SLC45A4: variants seen among roughly 807,000 people sequenced by gnomAD.
SLC45A4 encodes the protein solute carrier family 45 member 4.
Under a neutral mutation model 63.7 loss-of-function variants are expected in SLC45A4, and 32 were observed. The ratio of observed to expected loss-of-function variants is 0.50; its 90% CI spans 0.38 to 0.67. SLC45A4 has a LOEUF of 0.67. Among genes scored for constraint, SLC45A4 ranks in the 30% least tolerant of loss-of-function variants. The probability of loss-of-function intolerance (pLI) is 0.00; values close to 1 mark genes in which losing one functional copy is unlikely to be tolerated. For synonymous variants in SLC45A4, 535 were observed against 510.0 expected, an observed-to-expected ratio of 1.05 and a Z score of -0.66; for missense variants, 1,027 against 1,157.7, an observed-to-expected ratio of 0.89 and a Z score of 1.64.
At chr8:141,304,471 A>T (rs1305348179) in intron 1 of SLC45A4, among the ~76,000 whole-genome samples, 3 of 151,640 alleles carry the variant, frequency 2.0e-5, no homozygotes, top group Non-Finnish European at 4.4e-5. Context: ...AGGCAAAAGA[A>T]TCGCTTGAAC....
At chr8:141,299,884 G>A (rs1388278699) in intron 1 of SLC45A4, among the ~76,000 whole-genome samples, 1 of 152,186 alleles carries the variant, frequency 6.6e-6, no homozygotes, top group African/African-American at 2.4e-5. Context: ...CTTTGGAGAA[G>A]GGACCAATGG....
Position 141,209,547 on chromosome 8 carries a change from A to G in SLC45A4, c.*2025T>C, listed in dbSNP as rs1044053064. The stretch of plus-strand genomic sequence containing the variant: ...GGACCCCAGCCCCTGCGGTCCCCTC[A>G]TTTGGGCTCTGCACACTGACCTGCA... On this transcript the variant is annotated 3_prime_UTR_variant, in exon 9 of 9. Transcript: ENST00000517878. 1 of 152,336 alleles carries G rather than the reference A, an allele frequency of 6.6e-6. No individual in the cohort carries two copies. The highest frequency in any genetic ancestry group is 2.4e-5 in the African/African-American group (1 of 41,404). The allele number at this position is 152,336 out of a possible 1,614,324, so 9.4% of individuals were successfully genotyped here.
chr8:141,270,861 T>A (rs1281148732), intron 1 of SLC45A4, among the ~76,000 whole-genome samples: 1 of 152,032 alleles, frequency 6.6e-6, no homozygotes, highest in East Asian at 1.9e-4. Context: ...CTCGACCAGC[T>A]CGTACCTCCC....
At chr8:141,284,195 A>C (rs1332355372) in intron 1 of SLC45A4, among the ~76,000 whole-genome samples, 1 of 152,228 alleles carries the variant, frequency 6.6e-6, no homozygotes, top group Non-Finnish European at 1.5e-5. Context: ...TCAACTGTCC[A>C]CCGTCAAGTC....
chr8:141,240,322 C>T (rs900316344), intron 2 of SLC45A4, among the ~76,000 whole-genome samples: 3 of 152,228 alleles, frequency 2.0e-5, no homozygotes, highest in East Asian at 1.9e-4. Context: ...AACAAAAGAA[C>T]GCCCCTTTTT....
rs538619459 is a variant in SLC45A4, at chr8:141,267,581, C to T, written c.-400-12952G>A. On this transcript the variant is annotated intron_variant, in intron 1 of 8. Transcript: ENST00000517878. The stretch of plus-strand genomic sequence containing the variant: ...TTGGATTTTGAGGCTTAAAGAGTAG[C>T]GTCTGCTCAGTTTCAAAGCAAAGAG... Among the ~76,000 whole-genome samples, 7 of 152,278 alleles carry T rather than the reference C, an allele frequency of 4.6e-5. No individual in the cohort carries two copies. The East Asian group carries it at 5.8e-4, about 13-fold the overall frequency.
intron 2 of SLC45A4, 91 bp from the exon 3 acceptor site, chr8:141,221,856 T>C (rs1182646245): frequency 3.6e-6 from 5 of 1,374,620 alleles, no homozygotes; most frequent in Non-Finnish European, 5.0e-6. Flanking sequence ...CAGGTGCCTC[T>C]GTGTACACGC....
intron 2 of SLC45A4, among the ~76,000 whole-genome samples, chr8:141,246,218 AAGAGTCTGACAAAC>A (rs1405067705): frequency 3.9e-5 from 6 of 152,350 alleles, no homozygotes; most frequent in African/African-American, 1.4e-4. Flanking sequence ...AAGCAGTGCA[AAGAGTCTGACAAAC>A]AGAATATTCT....
At chr8:141,267,222 G>GCTGT (rs1829302170) in intron 1 of SLC45A4, among the ~76,000 whole-genome samples, 1 of 152,258 alleles carries the variant, frequency 6.6e-6, no homozygotes, top group South Asian at 2.1e-4. Flanking sequence ...CAGCTTCACT[G>GCTGT]CTGTCCTTCA....
At chr8:141,295,050 C>T (rs1189165638) in intron 1 of SLC45A4, among the ~76,000 whole-genome samples, 3 of 152,216 alleles carry the variant, frequency 2.0e-5, no homozygotes, top group Non-Finnish European at 2.9e-5. Context: ...GAGCTGCGGG[C>T]AGGCCTGTCT....
In SLC45A4 at chr8:141,218,179, CT is replaced by C. The variant is rs1826299206; in HGVS notation, c.1460del (p.Glu487GlyfsTer16). 1 of 1,605,366 alleles carries C rather than the reference CT, an allele frequency of 6.2e-7. No individual in the cohort carries two copies. Among genetic ancestry groups the C allele is most frequent in the South Asian group, 1.1e-5 (1 of 91,052 alleles). ...TTSSGDTESE[E>X]GEGETTVRLL... is the part of the protein sequence containing the mutation. The stretch of plus-strand genomic sequence containing the variant: ...GGCGCACCGTGGTCTCGCCCTCCCC[CT>C]CCTCACTCTCGGTGTCCCCGCTGGA... On this transcript the variant is annotated frameshift_variant, in exon 5 of 9. Coordinates refer to ENST00000517878, the MANE Select transcript of SLC45A4 (RefSeq NM_001286646.2). LOFTEE classifies it high-confidence loss of function.
At position 141,215,294 on chromosome 8, in the gene SLC45A4, A is replaced by G. The variant is rs1014496223; in HGVS notation, c.1941+465T>C. 6.6e-6 allele frequency among the ~76,000 whole-genome samples: 1 copy of G among 152,254 alleles called. No homozygotes were observed. Among genetic ancestry groups the G allele is most frequent in the African/African-American group, 2.4e-5 (1 of 41,472 alleles). On this transcript the variant is annotated intron_variant, in intron 7 of 8. Coordinates refer to ENST00000517878, the MANE Select transcript of SLC45A4 (RefSeq NM_001286646.2). This position sits in a 1 kb window ranked among gnomAD's most constrained non-coding sequence, Gnocchi z 4.3. ...CGATGACTTTTTTCATATAGAGTAC[A>G]TGCTGAAATAATGTTTTAGATACAC...
chr8:141,246,645 G>A (rs1828217536), intron 2 of SLC45A4, among the ~76,000 whole-genome samples: 1 of 152,268 alleles, frequency 6.6e-6, no homozygotes, highest in South Asian at 2.1e-4. Flanking sequence ...GCCAAGGGGT[G>A]AAGGTCACGG....
At chr8:141,211,893 T>A (rs998052495) in intron 8 of SLC45A4, 196 bp from the exon 9 acceptor site, 12 of 1,255,444 alleles carry the variant, frequency 9.6e-6, no homozygotes, top group Non-Finnish European at 1.1e-5. Context: ...TGCAGAATAA[T>A]ACACCTGCAG....
At chr8:141,236,726 A>G (rs1006298779) in intron 2 of SLC45A4, among the ~76,000 whole-genome samples, 3 of 152,266 alleles carry the variant, frequency 2.0e-5, no homozygotes, top group Admixed American at 2.0e-4. Context: ...TTTCACAAAA[A>G]GCCCACTTAT....
intron 1 of SLC45A4, among the ~76,000 whole-genome samples, chr8:141,295,917 G>A (rs751302809): frequency 7.9e-5 from 12 of 152,200 alleles, no homozygotes; most frequent in Non-Finnish European, 1.6e-4. Flanking sequence ...TTGCCCCTCT[G>A]GCACAAAGGG....
Position 141,215,673 on chromosome 8 carries a change from C to T in SLC45A4, c.1941+86G>A. The T allele has an allele frequency of 9.9e-6, 14 of 1,409,720 alleles. No individual in the cohort carries two copies. Among genetic ancestry groups the T allele is most frequent in the Non-Finnish European group, 1.4e-5 (14 of 1,013,986 alleles). The allele number at this position is 1,409,720 out of a possible 1,614,324, so 87.3% of individuals were successfully genotyped here. The stretch of plus-strand genomic sequence containing the variant: ...GGGCCATCTGTGTCGTGAACGTCCC[C>T]CCGGGGAAGCACAGGGCTCTGCTCT... On this transcript the variant is annotated intron_variant, in intron 7 of 8. Transcript: ENST00000517878. The surrounding 1 kb of genome is among the most constrained non-coding windows in gnomAD (Gnocchi z 4.3).
chr8:141,230,179 G>A (rs1286824442), intron 2 of SLC45A4: 16 of 454,302 alleles, frequency 3.5e-5, no homozygotes, highest in Non-Finnish European at 6.6e-5. Flanking sequence ...CCCAGAAGCT[G>A]AAGAAGCACA....
Position 141,278,498 on chromosome 8 carries a change from T to C in SLC45A4, c.-400-23869A>G, listed in dbSNP as rs4961352. On this transcript the variant is annotated intron_variant, in intron 1 of 8. Coordinates refer to ENST00000517878, the MANE Select transcript of SLC45A4 (RefSeq NM_001286646.2). This position sits in a 1 kb window ranked among gnomAD's most constrained non-coding sequence, Gnocchi z 4.1. ...CTGGCGGGACAGGGGTGAGCACCTG[T>C]GGTGGAGGCGGGGCGGGCGGCCGAC... 149,704 of 151,054 alleles carry C rather than the reference T, an allele frequency of 0.99. 74,180 individuals carry two copies. Among genetic ancestry groups the C allele is most frequent in the Middle Eastern group, 1 (288 of 288 alleles). 9.4% of individuals were successfully genotyped at this position (151,054 alleles called of 1,614,324 possible).
Sources: allele counts gnomAD v4.1 joint callset (sites outside exome capture counted in the v4.1 genomes callset), GRCh38; gene constraint gnomAD v4.1.1; non-coding constraint Gnocchi (gnomAD v3.1); transcripts MANE v1.5; gene names NCBI Gene and HGNC (gene_info 2026-07-23, HGNC 2026-07-21).